The following ITPR2 variants were observed in gnomAD, a reference collection of about 807,000 sequenced individuals.
ITPR2 encodes inositol 1,4,5-trisphosphate receptor type 2.
Under a neutral mutation model 317.1 loss-of-function variants are expected in ITPR2, and 207 were observed. The ratio of observed to expected loss-of-function variants is 0.65; its 90% CI spans 0.58 to 0.73. ITPR2 has a LOEUF of 0.73. ITPR2 is among the 30% of genes least tolerant of loss of function. The probability of loss-of-function intolerance (pLI) is 0.00; values close to 1 mark genes in which losing one functional copy is unlikely to be tolerated. For synonymous variants in ITPR2, 1,156 were observed against 1,149.1 expected, an observed-to-expected ratio of 1.01 and a Z score of -0.12; for missense variants, 2,613 against 3,284.0, an observed-to-expected ratio of 0.80 and a Z score of 4.99.
At chr12:26,656,757 C>T (rs1365586718) in intron 18 of ITPR2, among the ~76,000 whole-genome samples, 1 of 152,062 alleles carries the variant, frequency 6.6e-6, no homozygotes, top group Non-Finnish European at 1.5e-5. Flanking sequence ...GTTACAATAC[C>T]TCTTACTTGT....
At chr12:26,787,905 A>G (rs1347672628) in intron 2 of ITPR2, among the ~76,000 whole-genome samples, 7 of 150,850 alleles carry the variant, frequency 4.6e-5, no homozygotes. Flanking sequence ...ATGCCTTTCT[A>G]TCATAAGGTG....
At chr12:26,824,099 C>T (rs2137299198) in intron 1 of ITPR2, among the ~76,000 whole-genome samples, 1 of 152,302 alleles carries the variant, frequency 6.6e-6, no homozygotes, top group South Asian at 2.1e-4. Context: ...ACCTACCAAA[C>T]AACATAGCTT....
intron 37 of ITPR2, among the ~76,000 whole-genome samples, chr12:26,507,863 C>CTCTGTGTG (rs372756412): frequency 0.052 from 6,836 of 132,182 alleles, 178 homozygotes; most frequent in Middle Eastern, 0.14. Context: ...CTCTCTGTCT[C>CTCTGTGTG]TGTGTGTGTG....
chr12:26,493,949 G>T, intron 39 of ITPR2: 1 of 444,972 alleles, frequency 2.2e-6, no homozygotes. Flanking sequence ...AAGTTTCAGA[G>T]GAATGTTCTG....
intron 2 of ITPR2, among the ~76,000 whole-genome samples, chr12:26,772,037 A>G (rs1229756632): frequency 6.6e-6 from 1 of 152,042 alleles, no homozygotes; most frequent in Non-Finnish European, 1.5e-5. Context: ...GTTGTCATTG[A>G]TTTACCGTGT....
Position 26,631,978 on chromosome 12 carries a change from A to C in ITPR2, c.2822T>G (p.Met941Arg). 1 of 1,613,650 alleles carries C rather than the reference A, an allele frequency of 6.2e-7. No homozygotes were observed. The highest frequency in any genetic ancestry group is 8.5e-7 in the Non-Finnish European group (1 of 1,179,816). Residue 941 changes from methionine (M) to arginine (R), a missense_variant, in exon 22 of 57, where the codon ATG becomes AGG. Transcript: ENST00000381340. The part of the protein sequence containing the change: ...MVLSRGSIFP[M>R]SVPDVPPSIH... ...GCTGGGTGGCACATCCGGCACGCTC[A>C]TGGGGAAGATGGAGCCTCTACTGAG...
At chr12:26,403,494 T>C (rs772675949) in intron 52 of ITPR2, among the ~76,000 whole-genome samples, 80 of 152,196 alleles carry the variant, frequency 5.3e-4, no homozygotes, top group Non-Finnish European at 9.0e-4. Flanking sequence ...GATACACGTG[T>C]GTAGGCCCCG....
chr12:26,779,644 G>T (rs927974219), intron 2 of ITPR2, among the ~76,000 whole-genome samples: 1 of 152,160 alleles, frequency 6.6e-6, no homozygotes, highest in Non-Finnish European at 1.5e-5. Flanking sequence ...TGCCCAATAT[G>T]CAGGCATCAC....
In ITPR2 at chr12:26,415,483, A is replaced by G; in HGVS notation, c.7126T>C (p.Tyr2376His). The G allele has an allele frequency of 6.4e-7, 1 of 1,563,266 alleles. No individual in the cohort carries two copies. The highest frequency in any genetic ancestry group is 2.0e-5 in the Admixed American group (1 of 50,768). The stretch of plus-strand genomic sequence containing the variant: ...ACATTCAGCAAAGTCTCTTCCCTGT[A>G]CACCAAATCAAAAAGCTACAAAGAT... Reference protein sequence around the residue: ...FYSFLLFDLVYREETLLNVIK... With the variant: ...FYSFLLFDLVHREETLLNVIK... Residue 2376 changes from tyrosine to histidine, a missense_variant, in exon 51 of 57, where the codon TAC (tyrosine) becomes CAC (histidine). Tyr to His is a moderately conservative substitution (Grantham distance 83). Transcript: ENST00000381340.
At position 26,594,589 on chromosome 12, in the gene ITPR2, T is replaced by C. The variant is rs1591941402; in HGVS notation, c.4380+876A>G. ...AGGAATGTTGGAAGGCCAAAGGGGC[T>C]GAGTCCAGCCACCATCATTCATAAT... On this transcript the variant is annotated intron_variant, in intron 32 of 56. Transcript: ENST00000381340. 3.3e-5 allele frequency among the ~76,000 whole-genome samples: 5 copies of C among 152,198 alleles called. 1 individual carries two copies. The South Asian group carries it at 8.3e-4, about 25-fold the overall frequency.
At chr12:26,587,034 G>A (rs1163456913) in intron 32 of ITPR2, among the ~76,000 whole-genome samples, 2 of 151,398 alleles carry the variant, frequency 1.3e-5, no homozygotes, top group Non-Finnish European at 1.5e-5. Context: ...TATTATATAT[G>A]CAAAAGTCTA....
At chr12:26,796,076 A>C (rs1038799839) in intron 1 of ITPR2, among the ~76,000 whole-genome samples, 1 of 152,160 alleles carries the variant, frequency 6.6e-6, no homozygotes. Context: ...ACAGTGGCAC[A>C]AGCTGCACCT....
intron 28 of ITPR2, among the ~76,000 whole-genome samples, chr12:26,600,750 C>T (rs1018769331): frequency 5.3e-5 from 8 of 151,986 alleles, no homozygotes; most frequent in East Asian, 1.9e-4. Context: ...CCCCTTTTCT[C>T]CTGCTCTGCT....
At chr12:26,790,024 A>C in intron 2 of ITPR2, 133 bp downstream of exon 2, 1 of 688,040 alleles carries the variant, frequency 1.5e-6, no homozygotes, top group Non-Finnish European at 2.6e-6. Flanking sequence ...AAAATTGTTG[A>C]AAGAATTTTC....
chr12:26,379,065 T>A (rs1200979138), intron 55 of ITPR2, among the ~76,000 whole-genome samples: 3 of 152,222 alleles, frequency 2.0e-5, no homozygotes, highest in African/African-American at 7.2e-5. Flanking sequence ...ACACATTGTA[T>A]GGGATCGAAT....
chr12:26,473,196 T>C (rs539120316), intron 45 of ITPR2, among the ~76,000 whole-genome samples: 2 of 152,352 alleles, frequency 1.3e-5, no homozygotes, highest in South Asian at 4.1e-4. Context: ...CTGTATCCTC[T>C]ACTTTTATGC....
At chr12:26,771,219 C>T (rs1288583138) in intron 2 of ITPR2, among the ~76,000 whole-genome samples, 1 of 152,158 alleles carries the variant, frequency 6.6e-6, no homozygotes, top group Non-Finnish European at 1.5e-5. Context: ...GCAGGGCCAC[C>T]ATTTGATTCA....
At chr12:26,727,880 A>G (rs1948958690) in intron 2 of ITPR2, among the ~76,000 whole-genome samples, 1 of 152,134 alleles carries the variant, frequency 6.6e-6, no homozygotes, top group Admixed American at 6.6e-5. Context: ...TTAAAGAACC[A>G]ATACTCATTC....
In ITPR2 at chr12:26,415,294, T is replaced by C; in HGVS notation, c.7306+9A>G. The C allele has an allele frequency of 6.3e-7, 1 of 1,583,602 alleles. No individual in the cohort carries two copies. Among genetic ancestry groups the C allele is most frequent in the Non-Finnish European group, 8.6e-7 (1 of 1,164,586 alleles). On this transcript the variant is annotated intron_variant, in intron 51 of 56. Coordinates refer to ENST00000381340, the MANE Select transcript of ITPR2 (RefSeq NM_002223.4). Reference sequence around the variant, plus strand: ...TCAGAGAAACCTCATTTAGTGGTAATAGCAATACCTGTAACAGGAGTTCGG... The same window carrying C: ...TCAGAGAAACCTCATTTAGTGGTAACAGCAATACCTGTAACAGGAGTTCGG...
Sources: allele counts gnomAD v4.1 joint callset (sites outside exome capture counted in the v4.1 genomes callset), GRCh38; gene constraint gnomAD v4.1.1; transcripts MANE v1.5; gene names NCBI Gene and HGNC (gene_info 2026-07-23, HGNC 2026-07-21).